OR9Q1: variants seen among roughly 807,000 people sequenced by gnomAD.
The protein encoded by OR9Q1 is olfactory receptor 9Q1.
For missense variants in OR9Q1, 374 were observed against 378.8 expected (o/e 0.99, Z 0.11); for synonymous variants, 153 against 148.6 (o/e 1.03, Z -0.22).
At chr11:58,033,355 G>A (rs1335513796) in intron 1 of OR9Q1, among the ~76,000 whole-genome samples, 1 of 152,086 alleles carries the variant, frequency 6.6e-6, no homozygotes, top group African/African-American at 2.4e-5. Flanking sequence ...AATCAGTCTA[G>A]GTGTCTATCA....
chr11:58,060,783 A>T (rs1853373315), intron 2 of OR9Q1, among the ~76,000 whole-genome samples: 1 of 129,722 alleles, frequency 7.7e-6, no homozygotes, highest in African/African-American at 3.1e-5. Context: ...GAGTCATGAA[A>T]TTAAGAGAGC....
At position 58,072,149 on chromosome 11, in the gene OR9Q1, A is replaced by G. The variant is rs1853493666; in HGVS notation, c.-15+16202A>G. ...ATCTCCATTAATACTTAAAGTACAA[A>G]TATTTATTAAATGAGGTTCAAAAGA... is the stretch of plus-strand genomic sequence containing the variant. On this transcript the variant is annotated intron_variant, in intron 2 of 2. Coordinates refer to ENST00000335397, the MANE Select transcript of OR9Q1 (RefSeq NM_001005212.4). 4.6e-5 allele frequency among the ~76,000 whole-genome samples: 7 copies of G among 152,356 alleles called. No individual in the cohort carries two copies. The South Asian group carries it at 1.4e-3, about 32-fold the overall frequency.
intron 2 of OR9Q1, among the ~76,000 whole-genome samples, chr11:58,137,085 C>T (rs755220456): frequency 1.3e-5 from 2 of 152,090 alleles, no homozygotes; most frequent in Admixed American, 6.6e-5. Context: ...CTGATGATTC[C>T]GATTATTCTG....
chr11:58,036,782 C>A (rs1051636024), intron 1 of OR9Q1, among the ~76,000 whole-genome samples: 3 of 152,174 alleles, frequency 2.0e-5, no homozygotes, highest in Admixed American at 6.5e-5. Context: ...GCTGCAATCT[C>A]ATGACAAAAC....
intron 2 of OR9Q1, among the ~76,000 whole-genome samples, chr11:58,096,617 A>T (rs562118244): frequency 5.9e-4 from 87 of 148,188 alleles, no homozygotes; most frequent in Non-Finnish European, 7.1e-4. Flanking sequence ...GGCTTAAGTG[A>T]TCCTCTCACC....
chr11:58,140,109 C>T (rs2119864901), intron 2 of OR9Q1, among the ~76,000 whole-genome samples: 1 of 152,206 alleles, frequency 6.6e-6, no homozygotes, highest in East Asian at 1.9e-4. Flanking sequence ...TGTTCATATC[C>T]TTCACCCGCT....
intron 2 of OR9Q1, among the ~76,000 whole-genome samples, chr11:58,146,813 G>C (rs1022334842): frequency 2.0e-5 from 3 of 152,154 alleles, no homozygotes; most frequent in Non-Finnish European, 4.4e-5. Flanking sequence ...CTGTGAAATG[G>C]GATGCCTTGA....
intron 1 of OR9Q1, among the ~76,000 whole-genome samples, chr11:58,048,681 T>A (rs1439881213): frequency 1.2e-4 from 14 of 116,606 alleles, no homozygotes; most frequent in Admixed American, 3.4e-4. Context: ...AAAAAAAAAA[T>A]ATATATATAT....
chr11:58,081,224 A>G (rs1042577616), intron 2 of OR9Q1, among the ~76,000 whole-genome samples: 6 of 152,158 alleles, frequency 3.9e-5, no homozygotes, highest in Admixed American at 2.6e-4. Flanking sequence ...TCACTGAAAG[A>G]CATTTGGGTT....
intron 1 of OR9Q1, among the ~76,000 whole-genome samples, chr11:58,053,159 T>A (rs1853283981): frequency 6.6e-6 from 1 of 151,734 alleles, no homozygotes; most frequent in Non-Finnish European, 1.5e-5. Flanking sequence ...CGTATGCTAT[T>A]GTGGCACTAT....
chr11:58,169,165 A>G (rs886186688), intron 2 of OR9Q1, among the ~76,000 whole-genome samples: 3 of 152,114 alleles, frequency 2.0e-5, no homozygotes, highest in Admixed American at 6.6e-5. Flanking sequence ...GTGGATGCCA[A>G]ATTTGATGGC....
At chr11:58,150,629 T>C (rs1309129727) in intron 2 of OR9Q1, among the ~76,000 whole-genome samples, 2 of 152,192 alleles carry the variant, frequency 1.3e-5, no homozygotes, top group Non-Finnish European at 2.9e-5. Flanking sequence ...GGACAACACA[T>C]GACTCACATG....
At chr11:58,060,329 C>CA (rs1476316926) in intron 2 of OR9Q1, among the ~76,000 whole-genome samples, 1 of 152,152 alleles carries the variant, frequency 6.6e-6, no homozygotes, top group African/African-American at 2.4e-5. Context: ...GGGAAATTTT[C>CA]AAACTGGATA....
chr11:58,101,160 A>G lies in OR9Q1; in HGVS notation c.-15+45213A>G, dbSNP rs186313589. ...TTTTTATGAATAAATAAACATATAT[A>G]TAGTATTTATATATAAGAAAGAGTC... On this transcript the variant is annotated intron_variant, in intron 2 of 2. Transcript: ENST00000335397. Among the ~76,000 whole-genome samples, 13 of 152,072 alleles carry G rather than the reference A, an allele frequency of 8.5e-5. No individual in the cohort carries two copies. The East Asian group carries it at 2.5e-3, about 29-fold the overall frequency.
intron 1 of OR9Q1, among the ~76,000 whole-genome samples, chr11:58,048,433 C>T (rs1015612755): frequency 6.6e-6 from 1 of 150,880 alleles, no homozygotes; most frequent in Admixed American, 6.6e-5. Flanking sequence ...CTTTAGCAGG[C>T]CGAGATCAGG....
chr11:58,177,987 G>A (rs1264599691), intron 2 of OR9Q1, among the ~76,000 whole-genome samples: 1 of 152,122 alleles, frequency 6.6e-6, no homozygotes, highest in African/African-American at 2.4e-5. Flanking sequence ...AGGCAGAAGG[G>A]GTTTGTCCTG....
chr11:58,066,015 G>T (rs2441977), intron 2 of OR9Q1, among the ~76,000 whole-genome samples: 101,230 of 151,422 alleles, frequency 0.67, 34,264 homozygotes, highest in Middle Eastern at 0.79. Context: ...CTGGCCAAGG[G>T]TCTCCCTGTC....
At chr11:58,040,927 G>A (rs1159863161) in intron 1 of OR9Q1, 1 of 152,282 alleles carries the variant, frequency 6.6e-6, no homozygotes, top group African/African-American at 2.4e-5. Flanking sequence ...TGGCCATGGT[G>A]TCTTTGCTGT....
intron 2 of OR9Q1, among the ~76,000 whole-genome samples, chr11:58,151,776 A>AT (rs11321930): frequency 2.6e-4 from 39 of 148,012 alleles, no homozygotes; most frequent in East Asian, 2.0e-3. Context: ...CCCCCAGACC[A>AT]TTTTTTTTTT....
Sources: gnomAD v4.1 joint callset for allele counts (sites outside exome capture counted in the v4.1 genomes callset) on GRCh38, gnomAD v4.1.1 for gene constraint, MANE v1.5 for transcripts, NCBI Gene and HGNC (gene_info 2026-07-23, HGNC 2026-07-21) for gene names.